CYFIP1: variants seen among roughly 807,000 people sequenced by gnomAD.
CYFIP1 encodes the protein cytoplasmic FMR1-interacting protein 1.
A neutral mutation model predicts 163.5 loss-of-function variants in CYFIP1; 58 were observed. That is an observed-to-expected ratio of 0.35 (90% CI 0.29 to 0.44). The LOEUF is 0.44. Ranked by LOEUF, CYFIP1 falls within the 20% of genes least tolerant of loss-of-function variation. The pLI is 1.00. For synonymous variants in CYFIP1, 663 were observed against 660.7 expected (o/e 1.00, Z -0.05); for missense variants, 1,338 against 1,653.8 (o/e 0.81, Z 3.31).
rs894745073 is a variant in CYFIP1 at position 22,867,887 on chromosome 15, T to C, written c.*2141A>G. The C allele has an allele frequency of 3.3e-5, 5 of 152,198 alleles. No individual in the cohort carries two copies. The highest frequency in any genetic ancestry group is 1.9e-4 in the East Asian group (1 of 5,198). 9.4% of individuals were successfully genotyped at this position (152,198 alleles called of 1,614,324 possible). On this transcript the variant is annotated 3_prime_UTR_variant, in exon 31 of 31. Coordinates refer to ENST00000617928, the MANE Select transcript of CYFIP1 (RefSeq NM_014608.6). ...AAGTCGATGGAAAACTGCAAACATA[T>C]GCAGAAAAGGTAGAATAATAAAAAA...
chr15:22,976,302 C>T (rs191649072), intron 1 of CYFIP1, among the ~76,000 whole-genome samples: 53 of 152,192 alleles, frequency 3.5e-4, no homozygotes, highest in African/African-American at 1.1e-3. Context: ...GGACTACAGG[C>T]GCACGCCACC....
Position 22,918,816 on chromosome 15 carries a change from T to G in CYFIP1, c.1402A>C (p.Met468Leu), listed in dbSNP as rs781127840. The G allele has an allele frequency of 1.3e-5, 21 of 1,612,744 alleles. No individual in the cohort carries two copies. In the South Asian group the frequency reaches 2.3e-4, roughly 18 times the overall value. The change falls in exon 14 of 31, where the codon ATG becomes CTG. Residue 468 changes from methionine to leucine, a missense_variant. By Grantham distance (15) the Met-to-Leu change is conservative. Around this residue, in one of 4 missense-constraint regions of CYFIP1, gnomAD observed 824 missense variants for 995.7 expected, o/e 0.83. Transcript: ENST00000617928. ...ATGGCGTGGTTGAACACGCTCTCCA[T>G]CCTGCCCATCAGCACCTGCAGGCCT... ...IKGLQVLMGR[M>L]ESVFNHAIRH...
chr15:22,934,485 C>CT (rs35881374), intron 9 of CYFIP1, among the ~76,000 whole-genome samples: 6,202 of 49,562 alleles, frequency 0.13, 1,695 homozygotes, highest in Non-Finnish European at 0.15. Context: ...GCACCCAGCC[C>CT]TTTTTTTTTT....
intron 3 of CYFIP1, among the ~76,000 whole-genome samples, chr15:22,945,308 A>G (rs774734916): frequency 2.0e-5 from 3 of 152,212 alleles, no homozygotes; most frequent in Non-Finnish European, 1.5e-5. Flanking sequence ...GAGCACACAC[A>G]GGATCCCCAT....
At chr15:22,951,513 G>T in intron 1 of CYFIP1, 1 of 1,288,234 alleles carries the variant, frequency 7.8e-7, no homozygotes, top group African/African-American at 1.5e-5. Context: ...ACGTGCTTCG[G>T]CCCCATAGGG....
intron 11 of CYFIP1, among the ~76,000 whole-genome samples, 163 bp from the exon 12 acceptor site, chr15:22,928,191 C>T (rs1294191863): frequency 6.6e-6 from 1 of 152,078 alleles, no homozygotes; most frequent in African/African-American, 2.4e-5. Context: ...CCAGACCATC[C>T]TAAAACGGTG....
At chr15:22,952,983 G>T (rs2062311034) in intron 1 of CYFIP1, among the ~76,000 whole-genome samples, 1 of 152,184 alleles carries the variant, frequency 6.6e-6, no homozygotes, top group Non-Finnish European at 1.5e-5. Flanking sequence ...GGTTTTTCAT[G>T]ATCATAGGCA....
At chr15:22,919,454 T>C (rs1446547708) in intron 13 of CYFIP1, among the ~76,000 whole-genome samples, 1 of 152,222 alleles carries the variant, frequency 6.6e-6, no homozygotes, top group Non-Finnish European at 1.5e-5. Context: ...AGTATGACCT[T>C]TACAATTGCA....
At chr15:22,935,114 A>G (rs2061672897) in intron 9 of CYFIP1, among the ~76,000 whole-genome samples, 1 of 152,204 alleles carries the variant, frequency 6.6e-6, no homozygotes, top group Non-Finnish European at 1.5e-5. Flanking sequence ...AATCAATTCT[A>G]ACGTGCATCT....
chr15:22,954,993 G>A (rs753849288), intron 1 of CYFIP1, among the ~76,000 whole-genome samples: 8 of 152,146 alleles, frequency 5.3e-5, no homozygotes, highest in Non-Finnish European at 1.0e-4. Flanking sequence ...CTGGCTCCGT[G>A]TCTGAGCTCA....
intron 21 of CYFIP1, among the ~76,000 whole-genome samples, chr15:22,906,611 G>A (rs1412449709): frequency 9.2e-5 from 14 of 151,688 alleles, no homozygotes; most frequent in Non-Finnish European, 1.2e-4. Flanking sequence ...GACTACAGGC[G>A]TCCGCCATCA....
chr15:22,950,274 C>T (rs532665660), intron 1 of CYFIP1, among the ~76,000 whole-genome samples: 1 of 152,120 alleles, frequency 6.6e-6, no homozygotes, highest in Non-Finnish European at 1.5e-5. Flanking sequence ...TATACTGATA[C>T]AGGTAGGTAA....
intron 1 of CYFIP1, among the ~76,000 whole-genome samples, chr15:22,949,880 G>C (rs1380825596): frequency 6.6e-6 from 1 of 151,700 alleles, no homozygotes; most frequent in Non-Finnish European, 1.5e-5. Context: ...TGCAGTCCCA[G>C]CTACTTGGGA....
At chr15:22,962,835 G>A (rs916600387) in intron 1 of CYFIP1, among the ~76,000 whole-genome samples, 9 of 152,148 alleles carry the variant, frequency 5.9e-5, no homozygotes, top group African/African-American at 1.9e-4. Flanking sequence ...GCTGCCAGGC[G>A]GTGCTCCTGA....
intron 13 of CYFIP1, among the ~76,000 whole-genome samples, chr15:22,919,784 A>G (rs1264885055): frequency 3.3e-5 from 5 of 152,130 alleles, no homozygotes; most frequent in Non-Finnish European, 5.9e-5. Context: ...GCACTTTGGG[A>G]GGCTGAGGCG....
At chr15:22,918,634 T>C in intron 14 of CYFIP1, 58 bp downstream of exon 14, 3 of 1,442,918 alleles carry the variant, frequency 2.1e-6, no homozygotes, top group Admixed American at 2.5e-5. Context: ...GTTGTTTGAA[T>C]CCAAGTTCAT....
rs972847547 is a variant in CYFIP1, at chr15:22,870,318, G to T, written c.3598-126C>A. 83 of 1,156,508 alleles carry T rather than the reference G, an allele frequency of 7.2e-5. 1 individual carries two copies. Among genetic ancestry groups the T allele is most frequent in the South Asian group, 6.6e-4 (44 of 66,466 alleles). The allele number at this position is 1,156,508 out of a possible 1,614,324, so 71.6% of individuals were successfully genotyped here. A position where few individuals can be genotyped will look rare whatever the true frequency, so the allele number is the denominator to read the frequency against. The stretch of plus-strand genomic sequence containing the variant: ...AGCAAACGGAATTGACACACATACT[G>T]TTCTTTTTGGGTTTTTTTTTGTAAG... On this transcript the variant is annotated intron_variant, in intron 30 of 30. Transcript: ENST00000617928.
chr15:22,934,140 C>T (rs1260351819), intron 9 of CYFIP1, among the ~76,000 whole-genome samples: 1 of 127,154 alleles, frequency 7.9e-6, no homozygotes, highest in Non-Finnish European at 1.7e-5. Flanking sequence ...TTGCTAGATC[C>T]ACAGTCATAA....
intron 23 of CYFIP1, among the ~76,000 whole-genome samples, chr15:22,889,338 GC>G (rs1377632042): frequency 6.6e-6 from 1 of 152,200 alleles, no homozygotes; most frequent in East Asian, 1.9e-4. Context: ...CAGTGTAGGG[GC>G]TGACTCAAGG....
Sources: gnomAD v4.1 joint callset for allele counts (sites outside exome capture counted in the v4.1 genomes callset) on GRCh38, gnomAD v4.1.1 for gene constraint, gnomAD v4.1.1 regional missense constraint, MANE v1.5 for transcripts, NCBI Gene and HGNC (gene_info 2026-07-23, HGNC 2026-07-21) for gene names.